TNFRSF8: variants seen among roughly 807,000 people sequenced by gnomAD.
TNFRSF8 encodes tumor necrosis factor receptor superfamily member 8.
Under a neutral mutation model 70.8 loss-of-function variants are expected in TNFRSF8, and 26 were observed. That is an observed-to-expected ratio of 0.37 (90% confidence interval 0.27 to 0.51). The LOEUF is 0.51. Among genes scored for constraint, TNFRSF8 ranks in the 20% least tolerant of loss-of-function variants. TNFRSF8 has a pLI of 0.94. For missense variants in TNFRSF8, 720 were observed against 807.9 expected, an observed-to-expected ratio of 0.89 and a Z score of 1.32; for synonymous variants, 356 against 339.2, an observed-to-expected ratio of 1.05 and a Z score of -0.54.
At chr1:12,073,592 CT>C (rs796643706) in intron 1 of TNFRSF8, among the ~76,000 whole-genome samples, 1,881 of 121,164 alleles carry the variant, frequency 0.016, 36 homozygotes, top group African/African-American at 0.051. Context: ...TTTTCTTTTT[CT>C]TTTTTTTTTT....
intron 1 of TNFRSF8, among the ~76,000 whole-genome samples, chr1:12,074,621 G>C (rs1162952031): frequency 1.3e-5 from 2 of 152,134 alleles, no homozygotes; most frequent in Non-Finnish European, 2.9e-5. Flanking sequence ...AGAAAAAAAG[G>C]TTCTATGGCC....
At chr1:12,076,171 G>A (rs531984267) in intron 1 of TNFRSF8, among the ~76,000 whole-genome samples, 1 of 149,818 alleles carries the variant, frequency 6.7e-6, no homozygotes, top group East Asian at 2.0e-4. Flanking sequence ...CGTGATCTCG[G>A]CTCACCACAA....
At chr1:12,126,641 C>G (rs980102133) in intron 12 of TNFRSF8, among the ~76,000 whole-genome samples, 5 of 152,174 alleles carry the variant, frequency 3.3e-5, no homozygotes, top group Non-Finnish European at 5.9e-5. Flanking sequence ...CTCTCTCCCC[C>G]TCTTCTACCA....
At chr1:12,137,547 TG>T (rs1234383897) in intron 13 of TNFRSF8, among the ~76,000 whole-genome samples, 3 of 68,188 alleles carry the variant, frequency 4.4e-5, no homozygotes, top group African/African-American at 2.7e-4. Flanking sequence ...GCTGTTTTTT[TG>T]TTTTTTTTTG....
At chr1:12,139,076 C>T (rs904128227) in intron 14 of TNFRSF8, among the ~76,000 whole-genome samples, 2 of 141,748 alleles carry the variant, frequency 1.4e-5, no homozygotes, top group African/African-American at 5.8e-5. Context: ...TGGCTTTGGC[C>T]TCCTGTGGGC....
At chr1:12,106,689 G>A (rs983468854) in intron 4 of TNFRSF8, among the ~76,000 whole-genome samples, 4 of 152,214 alleles carry the variant, frequency 2.6e-5, no homozygotes, top group Middle Eastern at 6.8e-3. Flanking sequence ...GGGGGAGAGC[G>A]CTCTGCTAAG....
chr1:12,065,391 C>A (rs1424746071), intron 1 of TNFRSF8, among the ~76,000 whole-genome samples: 1 of 152,068 alleles, frequency 6.6e-6, no homozygotes, highest in East Asian at 1.9e-4. Flanking sequence ...CCTCCCATAC[C>A]CTTTTTAAAA....
intron 2 of TNFRSF8, among the ~76,000 whole-genome samples, chr1:12,087,113 CCATCCATCCATCCAT>C (rs1226649227): frequency 6.8e-6 from 1 of 147,442 alleles, no homozygotes; most frequent in Non-Finnish European, 1.5e-5. Flanking sequence ...ATCCATCCAT[CCATCCATCCATCCAT>C]CATCCATCCA....
rs749790694 is a variant in TNFRSF8 at position 12,142,508 on chromosome 1, C to T, written c.1765C>T (p.Pro589Ser). Residue 589 changes from proline to serine, a missense_variant, in exon 15 of 15, where the codon CCC becomes TCC. By Grantham distance (74) the Pro-to-Ser change is moderately conservative. Coordinates refer to ENST00000263932, the MANE Select transcript of TNFRSF8 (RefSeq NM_001243.5). This position sits in a 1 kb window ranked among gnomAD's most constrained non-coding sequence, Gnocchi z 5.0. The part of the protein sequence containing the change: ...VEEEGKEDPL[P>S]TAASGK ...AGAGGAAGGGAAAGAAGACCCCTTG[C>T]CCACAGCTGCCTCTGGAAAGTGAGG... The T allele has an allele frequency of 1.7e-5, 26 of 1,575,604 alleles. No homozygotes were observed. The highest frequency in any genetic ancestry group is 1.4e-5 in the Non-Finnish European group (16 of 1,160,624).
At chr1:12,102,549 G>A (rs1641442994) in intron 3 of TNFRSF8, among the ~76,000 whole-genome samples, 2 of 152,062 alleles carry the variant, frequency 1.3e-5, no homozygotes, top group African/African-American at 2.4e-5. Context: ...TGTTTGAGAC[G>A]GAGTCTCGCT....
chr1:12,106,226 T>C (rs1641521515), intron 4 of TNFRSF8, among the ~76,000 whole-genome samples: 1 of 152,200 alleles, frequency 6.6e-6, no homozygotes, highest in African/African-American at 2.4e-5. Context: ...GGGCTCCACC[T>C]GCGCTGCCCT....
intron 14 of TNFRSF8, among the ~76,000 whole-genome samples, chr1:12,139,019 A>G (rs11569943): frequency 0.02 from 2,744 of 140,136 alleles, 34 homozygotes; most frequent in Middle Eastern, 0.052. Flanking sequence ...TGGGGCCCAG[A>G]TGTTCAGAGC....
intron 2 of TNFRSF8, among the ~76,000 whole-genome samples, chr1:12,091,875 A>G (rs1207047785): frequency 6.6e-6 from 1 of 152,210 alleles, no homozygotes; most frequent in Non-Finnish European, 1.5e-5. Flanking sequence ...CATGAGGAGC[A>G]TGCAACCTAG....
chr1:12,139,989 G>A (rs1210761405), intron 14 of TNFRSF8, among the ~76,000 whole-genome samples: 1 of 152,248 alleles, frequency 6.6e-6, no homozygotes, highest in African/African-American at 2.4e-5. Flanking sequence ...CTTTTAGTAA[G>A]TTTTATTTGA....
At chr1:12,094,254 T>A (rs1261747134) in intron 2 of TNFRSF8, among the ~76,000 whole-genome samples, 1 of 152,090 alleles carries the variant, frequency 6.6e-6, no homozygotes, top group African/African-American at 2.4e-5. Context: ...TTTGTTTTTA[T>A]TGGGGATCAC....
chr1:12,137,162 C>T (rs1642161463), intron 13 of TNFRSF8, among the ~76,000 whole-genome samples: 1 of 152,094 alleles, frequency 6.6e-6, no homozygotes, highest in Non-Finnish European at 1.5e-5. Flanking sequence ...TTTTCTAGCT[C>T]AGCAGTGATC....
intron 3 of TNFRSF8, among the ~76,000 whole-genome samples, chr1:12,101,074 A>T (rs1237374497): frequency 6.6e-6 from 1 of 152,128 alleles, no homozygotes; most frequent in African/African-American, 2.4e-5. Flanking sequence ...CTGCAGAAGG[A>T]CCTACCTGAG....
chr1:12,097,138 T>C lies in TNFRSF8; in HGVS notation c.189T>C (p.Thr63=). 1 of 1,614,116 alleles carries C rather than the reference T, an allele frequency of 6.2e-7. No individual in the cohort carries two copies. Residue 63 remains threonine, a synonymous_variant, in exon 3 of 15, where the codon ACT becomes ACC. Transcript: ENST00000263932. ...CACAGCAGTGCCCACAGAGGCCTAC[T>C]GACTGCAGGAAGCAGTGTGAGCCTG... ...FPTQQCPQRP[T]DCRKQCEPDY...
At chr1:12,093,013 C>G (rs190683994) in intron 2 of TNFRSF8, among the ~76,000 whole-genome samples, 2 of 152,018 alleles carry the variant, frequency 1.3e-5, no homozygotes, top group Non-Finnish European at 2.9e-5. Flanking sequence ...GCTATGTTGG[C>G]CAGGGTGGTC....
Sources: gnomAD v4.1 joint callset for allele counts (sites outside exome capture counted in the v4.1 genomes callset) on GRCh38, gnomAD v4.1.1 for gene constraint, Gnocchi (gnomAD v3.1) non-coding constraint, MANE v1.5 for transcripts, NCBI Gene and HGNC (gene_info 2026-07-23, HGNC 2026-07-21) for gene names.